Variants in PITPNC1 observed in about 807,000 individuals in gnomAD.
PITPNC1 encodes phosphatidylinositol transfer protein cytoplasmic 1, also known as cytoplasmic phosphatidylinositol transfer protein 1.
Under a neutral mutation model 44.7 loss-of-function variants are expected in PITPNC1, and 18 were observed. The ratio of observed to expected loss-of-function variants is 0.40; its 90% CI spans 0.28 to 0.60. PITPNC1 has a LOEUF of 0.60. Among genes scored for constraint, PITPNC1 ranks in the 20% least tolerant of loss-of-function variants. PITPNC1 has a pLI of 0.39. For synonymous variants in PITPNC1, 141 were observed against 149.6 expected, an observed-to-expected ratio of 0.94 and a Z score of 0.42; for missense variants, 290 against 418.4, an observed-to-expected ratio of 0.69 and a Z score of 2.68.
At chr17:67,383,078 C>T (rs549867328) in intron 1 of PITPNC1, among the ~76,000 whole-genome samples, 70 of 152,146 alleles carry the variant, frequency 4.6e-4, no homozygotes, top group African/African-American at 1.7e-3. Flanking sequence ...TCACTGAAAC[C>T]TCTGCCTCCC....
rs556863463 is a variant in PITPNC1 at position 67,543,657 on chromosome 17, A to G, written c.198-8600A>G. On this transcript the variant is annotated intron_variant, in intron 2 of 8. Coordinates refer to ENST00000581322, the MANE Select transcript of PITPNC1 (RefSeq NM_012417.4). ...TTTGCCAATTTTTTAATTGGGTCCA[A>G]TGTCCGTTGAAAATGCCATTTATCC... 2.6e-5 allele frequency among the ~76,000 whole-genome samples: 4 copies of G among 152,176 alleles called. No individual in the cohort carries two copies. In the East Asian group the frequency reaches 7.7e-4, roughly 29 times the overall value.
At chr17:67,425,424 CTTCT>C (rs1231496774) in intron 1 of PITPNC1, among the ~76,000 whole-genome samples, 1 of 151,234 alleles carries the variant, frequency 6.6e-6, no homozygotes, top group African/African-American at 2.4e-5. Context: ...TTCTTCCTGT[CTTCT>C]TTCTTTTCCT....
At chr17:67,463,411 G>A (rs2039373530) in intron 1 of PITPNC1, among the ~76,000 whole-genome samples, 1 of 152,088 alleles carries the variant, frequency 6.6e-6, no homozygotes, top group South Asian at 2.1e-4. Context: ...CTTTCTCTGA[G>A]CCCAAACTAC....
chr17:67,602,518 T>C (rs1598874010), intron 5 of PITPNC1, among the ~76,000 whole-genome samples: 1 of 152,104 alleles, frequency 6.6e-6, no homozygotes, highest in South Asian at 2.1e-4. Context: ...GGGCTGCCCA[T>C]GTGGACACTG....
intron 1 of PITPNC1, among the ~76,000 whole-genome samples, chr17:67,511,140 G>C (rs559432270): frequency 7.2e-5 from 11 of 152,034 alleles, no homozygotes; most frequent in Admixed American, 6.6e-4. Context: ...ACATAATTAT[G>C]CAACTGGGGC....
intron 2 of PITPNC1, among the ~76,000 whole-genome samples, chr17:67,541,824 G>A (rs2040612124): frequency 6.6e-6 from 1 of 152,190 alleles, no homozygotes; most frequent in Admixed American, 6.5e-5. Context: ...CACTTAGCAG[G>A]ACCAATGGGA....
At chr17:67,578,298 C>T in intron 5 of PITPNC1, 41 bp downstream of exon 5, 1 of 1,353,724 alleles carries the variant, frequency 7.4e-7, no homozygotes, top group South Asian at 1.2e-5. Flanking sequence ...GCCTCGTGGG[C>T]TCTGAATATC....
At chr17:67,496,416 T>C (rs555908946) in intron 1 of PITPNC1, among the ~76,000 whole-genome samples, 3 of 152,326 alleles carry the variant, frequency 2.0e-5, no homozygotes, top group African/African-American at 7.2e-5. Flanking sequence ...TTGAGGCCCA[T>C]GCGTGGCTCC....
intron 1 of PITPNC1, among the ~76,000 whole-genome samples, chr17:67,397,241 A>G (rs1017062237): frequency 6.6e-6 from 1 of 152,128 alleles, no homozygotes; most frequent in Non-Finnish European, 1.5e-5. Context: ...TCGGCCTCTC[A>G]AAGTGCTGAG....
chr17:67,448,522 G>A (rs2039132282), intron 1 of PITPNC1, among the ~76,000 whole-genome samples: 2 of 152,032 alleles, frequency 1.3e-5, no homozygotes, highest in Non-Finnish European at 2.9e-5. Context: ...ACCTGCCGTT[G>A]GGGGTGCTTC....
At chr17:67,687,236 A>C (rs1273434923) in intron 8 of PITPNC1, 3 of 965,542 alleles carry the variant, frequency 3.1e-6, no homozygotes, top group Admixed American at 1.7e-5. Flanking sequence ...ATGCACATGT[A>C]AACTGATCTG....
chr17:67,389,023 C>T (rs1251660420), intron 1 of PITPNC1, among the ~76,000 whole-genome samples: 1 of 152,264 alleles, frequency 6.6e-6, no homozygotes, highest in Non-Finnish European at 1.5e-5. Context: ...TGGCTGGATT[C>T]TCTGCTCAGG....
intron 1 of PITPNC1, among the ~76,000 whole-genome samples, chr17:67,473,096 G>A (rs935369852): frequency 6.6e-5 from 10 of 151,900 alleles, no homozygotes; most frequent in South Asian, 2.1e-4. Flanking sequence ...CAGGATGGTC[G>A]CGATCTCCTG....
intron 5 of PITPNC1, among the ~76,000 whole-genome samples, chr17:67,595,554 C>T (rs934350198): frequency 4.8e-5 from 7 of 147,288 alleles, no homozygotes; most frequent in African/African-American, 1.7e-4. Context: ...GCAATTTCTG[C>T]CTTTTGATGC....
intron 1 of PITPNC1, among the ~76,000 whole-genome samples, chr17:67,500,735 T>TCATGGCC (rs1161150615): frequency 6.6e-6 from 1 of 151,810 alleles, no homozygotes; most frequent in Non-Finnish European, 1.5e-5. Context: ...CAATCACGGA[T>TCATGGCC]CATGGCCCAT....
intron 1 of PITPNC1, among the ~76,000 whole-genome samples, chr17:67,523,501 T>C (rs963886139): frequency 6.6e-6 from 1 of 152,150 alleles, no homozygotes; most frequent in Non-Finnish European, 1.5e-5. Context: ...AAGTTTTTTT[T>C]TTTTTCTCAC....
At chr17:67,523,828 TTTAA>T (rs1321756855) in intron 1 of PITPNC1, among the ~76,000 whole-genome samples, 2 of 149,728 alleles carry the variant, frequency 1.3e-5, no homozygotes, top group African/African-American at 4.9e-5. Flanking sequence ...TTTTTTTTTT[TTTAA>T]TTGAGACAGA....
intron 1 of PITPNC1, among the ~76,000 whole-genome samples, chr17:67,414,497 T>C (rs1156546145): frequency 6.6e-6 from 1 of 151,626 alleles, no homozygotes; most frequent in Non-Finnish European, 1.5e-5. Flanking sequence ...ACTATACATA[T>C]GTAAAATTCT....
intron 4 of PITPNC1, among the ~76,000 whole-genome samples, chr17:67,571,919 C>T (rs2041062430): frequency 6.6e-6 from 1 of 152,236 alleles, no homozygotes; most frequent in Non-Finnish European, 1.5e-5. Context: ...TCTGCTCACA[C>T]CCGAAGGGAA....
Sources: allele counts gnomAD v4.1 joint callset (sites outside exome capture counted in the v4.1 genomes callset), GRCh38; gene constraint gnomAD v4.1.1; transcripts MANE v1.5; gene names NCBI Gene and HGNC (gene_info 2026-07-23, HGNC 2026-07-21).